The following RCAN2 variants were observed in gnomAD, a reference collection of about 807,000 sequenced individuals.
RCAN2 encodes regulator of calcineurin 2.
A neutral mutation model predicts 23.6 loss-of-function variants in RCAN2; 9 were observed. That is an observed-to-expected ratio of 0.38 (90% CI 0.23 to 0.67). RCAN2 has a LOEUF of 0.67. RCAN2 is among the 30% of genes least tolerant of loss of function. RCAN2 has a pLI of 0.51. For missense variants in RCAN2, 273 were observed against 302.3 expected (o/e 0.90, Z 0.72); for synonymous variants, 109 against 115.7 (o/e 0.94, Z 0.37).
intron 1 of RCAN2, among the ~76,000 whole-genome samples, chr6:46,479,923 G>A (rs546866953): frequency 6.6e-6 from 1 of 152,214 alleles, no homozygotes; most frequent in African/African-American, 2.4e-5. Context: ...CTGGACCAGT[G>A]TGCCATGCAG....
At chr6:46,463,135 A>G (rs369445380) in intron 1 of RCAN2, among the ~76,000 whole-genome samples, 53 of 152,340 alleles carry the variant, frequency 3.5e-4, no homozygotes, top group African/African-American at 1.2e-3. Flanking sequence ...ACCTGGAGAG[A>G]TCATGGCCAA....
At chr6:46,418,896 T>C (rs1470796830) in intron 2 of RCAN2, among the ~76,000 whole-genome samples, 1 of 151,776 alleles carries the variant, frequency 6.6e-6, no homozygotes, top group Non-Finnish European at 1.5e-5. Flanking sequence ...AAGACCATCC[T>C]GGCCAACATG....
At chr6:46,247,013 G>T in intron 3 of RCAN2, 94 bp from the exon 4 acceptor site, 1 of 1,088,794 alleles carries the variant, frequency 9.2e-7, no homozygotes, top group Non-Finnish European at 1.3e-6. Context: ...TTCAGCCTGC[G>T]ACAAATGAAC....
chr6:46,440,872 C>A (rs1452546958), intron 2 of RCAN2, among the ~76,000 whole-genome samples: 1 of 152,120 alleles, frequency 6.6e-6, no homozygotes, highest in African/African-American at 2.4e-5. Flanking sequence ...TGTCCTAAAA[C>A]AATTGAAGAA....
chr6:46,444,570 T>G (rs1483326253), intron 2 of RCAN2, among the ~76,000 whole-genome samples: 1 of 151,856 alleles, frequency 6.6e-6, no homozygotes, highest in Non-Finnish European at 1.5e-5. Context: ...GCTTTAGACC[T>G]GCCCCTTTGC....
chr6:46,291,428 C>T (rs1394505855), intron 2 of RCAN2, among the ~76,000 whole-genome samples: 1 of 151,720 alleles, frequency 6.6e-6, no homozygotes, highest in African/African-American at 2.4e-5. Flanking sequence ...TGGAGTGCCA[C>T]CGAGTCCCAG....
chr6:46,415,920 A>G (rs550066675), intron 2 of RCAN2, among the ~76,000 whole-genome samples: 1 of 152,232 alleles, frequency 6.6e-6, no homozygotes, highest in Non-Finnish European at 1.5e-5. Context: ...ATTTGCATAT[A>G]ACTACTAACA....
chr6:46,476,468 A>G (rs1011291968), intron 1 of RCAN2, among the ~76,000 whole-genome samples: 1 of 152,226 alleles, frequency 6.6e-6, no homozygotes, highest in Non-Finnish European at 1.5e-5. Context: ...GTTACATGCA[A>G]GATGCTTAGT....
At chr6:46,476,983 T>C (rs1007143064) in intron 1 of RCAN2, among the ~76,000 whole-genome samples, 4 of 152,178 alleles carry the variant, frequency 2.6e-5, no homozygotes, top group African/African-American at 9.7e-5. Context: ...ACCTGAATGA[T>C]GAATCCTCCA....
chr6:46,246,572 G>A (rs547029255), intron 4 of RCAN2, among the ~76,000 whole-genome samples, 176 bp downstream of exon 4: 1 of 152,288 alleles, frequency 6.6e-6, no homozygotes, highest in South Asian at 2.1e-4. Context: ...TTGAACGGGT[G>A]CAAAGTCTGA....
At chr6:46,272,328 G>A (rs368425200) in intron 2 of RCAN2, among the ~76,000 whole-genome samples, 1 of 152,144 alleles carries the variant, frequency 6.6e-6, no homozygotes, top group Non-Finnish European at 1.5e-5. Flanking sequence ...ACCTTCAGCC[G>A]AGTGAAACCG....
At chr6:46,453,444 C>T (rs1043956326) in intron 2 of RCAN2, among the ~76,000 whole-genome samples, 4 of 152,152 alleles carry the variant, frequency 2.6e-5, no homozygotes, top group Non-Finnish European at 2.9e-5. Flanking sequence ...TACAATCTCA[C>T]GGAATTCTGC....
chr6:46,413,302 G>T (rs567841743), intron 2 of RCAN2, among the ~76,000 whole-genome samples: 1 of 152,214 alleles, frequency 6.6e-6, no homozygotes, highest in Non-Finnish European at 1.5e-5. Flanking sequence ...TTAAAGGACA[G>T]ATTACATCCT....
intron 2 of RCAN2, among the ~76,000 whole-genome samples, chr6:46,255,648 T>C (rs1766884647): frequency 6.6e-6 from 1 of 151,692 alleles, no homozygotes. Context: ...GGTAAGAGGA[T>C]TGCACGGTGA....
chr6:46,472,163 T>G (rs1479453153), intron 1 of RCAN2, among the ~76,000 whole-genome samples: 3 of 152,240 alleles, frequency 2.0e-5, no homozygotes, highest in Admixed American at 6.5e-5. Context: ...TCAACACTCC[T>G]GTACTTTACA....
intron 2 of RCAN2, among the ~76,000 whole-genome samples, chr6:46,428,259 G>A (rs369869802): frequency 2.0e-4 from 30 of 152,214 alleles, no homozygotes; most frequent in East Asian, 1.5e-3. Context: ...GGGAGTACTC[G>A]TTCTGCCAAA....
intron 2 of RCAN2, among the ~76,000 whole-genome samples, chr6:46,287,239 G>C (rs1347641922): frequency 6.6e-6 from 1 of 152,188 alleles, no homozygotes. Flanking sequence ...ACAGGTGGCA[G>C]GGCTGAGTGA....
intron 1 of RCAN2, among the ~76,000 whole-genome samples, chr6:46,472,952 G>A (rs1412898185): frequency 1.3e-5 from 2 of 152,148 alleles, no homozygotes; most frequent in Non-Finnish European, 2.9e-5. Context: ...AGCTCAGAGC[G>A]AGAAAAAGTC....
intron 2 of RCAN2, among the ~76,000 whole-genome samples, chr6:46,254,827 C>A (rs1766851787): frequency 6.6e-6 from 1 of 152,084 alleles, no homozygotes; most frequent in Non-Finnish European, 1.5e-5. Context: ...TGACTAGTGT[C>A]CTTATAAGAA....
Sources: allele counts gnomAD v4.1 joint callset (sites outside exome capture counted in the v4.1 genomes callset), GRCh38; gene constraint gnomAD v4.1.1; transcripts MANE v1.5; gene names NCBI Gene and HGNC (gene_info 2026-07-23, HGNC 2026-07-21).